FIRRM: variants seen among roughly 807,000 people sequenced by gnomAD.
FIRRM encodes FIGNL1-interacting regulator of recombination and mitosis.
chr1:169,832,845 T>A, the FIRRM span, among the ~76,000 whole-genome samples: 1 of 152,114 alleles, frequency 6.6e-6, no homozygotes, highest in East Asian at 1.9e-4. Context: ...TGGGCTCAAG[T>A]GATCCATCTC....
the FIRRM span, chr1:169,802,703 C>T: frequency 6.2e-7 from 1 of 1,608,498 alleles, no homozygotes; most frequent in South Asian, 1.1e-5. Flanking sequence ...GAAATCCAGA[C>T]CACTCTAAGG....
chr1:169,809,198 CTTT>C, the FIRRM span, among the ~76,000 whole-genome samples: 1 of 152,112 alleles, frequency 6.6e-6, no homozygotes, highest in African/African-American at 2.4e-5. Flanking sequence ...AAGGGGCTAA[CTTT>C]TTTCTTCTTG....
chr1:169,792,842 A>G, the FIRRM span: 9 of 1,613,870 alleles, frequency 5.6e-6, 1 homozygote, highest in South Asian at 9.9e-5. Flanking sequence ...ATCATATTTT[A>G]CAAAAAGTTT....
At chr1:169,849,546 C>G in the FIRRM span, 1 of 1,614,036 alleles carries the variant, frequency 6.2e-7, no homozygotes, top group African/African-American at 1.3e-5. Flanking sequence ...TTACTGCTAG[C>G]TGACAGGAGT....
At chr1:169,812,849 T>C in the FIRRM span, among the ~76,000 whole-genome samples, 1 of 148,610 alleles carries the variant, frequency 6.7e-6, no homozygotes, top group Non-Finnish European at 1.5e-5. Flanking sequence ...AGAGTGAGAC[T>C]CCATCTCAAA....
the FIRRM span, chr1:169,849,428 G>T: frequency 8.9e-7 from 1 of 1,124,114 alleles, no homozygotes; most frequent in Non-Finnish European, 1.3e-6. Flanking sequence ...TGGGCTTATT[G>T]AATGTATGGC....
chr1:169,826,417 C>T, the FIRRM span, among the ~76,000 whole-genome samples: 1 of 141,710 alleles, frequency 7.1e-6, no homozygotes, highest in Admixed American at 7.6e-5. Context: ...GGCTGGAGTG[C>T]AGTGGCGCAG....
the FIRRM span, chr1:169,830,272 T>C: frequency 1.2e-6 from 2 of 1,612,580 alleles, no homozygotes; most frequent in Non-Finnish European, 1.7e-6. Flanking sequence ...GCTGCTCTGC[T>C]GAATGCTGTA....
the FIRRM span, among the ~76,000 whole-genome samples, chr1:169,798,167 G>C: frequency 6.6e-6 from 1 of 152,176 alleles, no homozygotes; most frequent in Non-Finnish European, 1.5e-5. Context: ...TCTAATCCCA[G>C]CTCCTTGAGA....
At chr1:169,796,345 T>C in the FIRRM span, among the ~76,000 whole-genome samples, 2 of 152,358 alleles carry the variant, frequency 1.3e-5, no homozygotes, top group East Asian at 1.9e-4. Context: ...GTGATTCCTC[T>C]TCTTCCCCAC....
chr1:169,821,399 G>T, the FIRRM span, among the ~76,000 whole-genome samples: 1 of 152,188 alleles, frequency 6.6e-6, no homozygotes, highest in Admixed American at 6.5e-5. Context: ...TTCACTTTCA[G>T]ATCAACTGAG....
the FIRRM span, among the ~76,000 whole-genome samples, chr1:169,819,709 T>C: frequency 6.6e-6 from 1 of 152,174 alleles, no homozygotes; most frequent in Admixed American, 6.5e-5. Context: ...ATTACCCGAC[T>C]TTAGCCATGC....
the FIRRM span, among the ~76,000 whole-genome samples, chr1:169,799,195 T>C: frequency 6.6e-6 from 1 of 152,236 alleles, no homozygotes; most frequent in East Asian, 1.9e-4. Context: ...ATGATGTATG[T>C]ATAAACAAAT....
the FIRRM span, chr1:169,804,333 A>G: frequency 2.1e-6 from 2 of 955,294 alleles, no homozygotes; most frequent in Non-Finnish European, 2.9e-6. Context: ...TTTTCTTACT[A>G]ATTATGCATT....
the FIRRM span, among the ~76,000 whole-genome samples, chr1:169,838,452 C>T: frequency 1.3e-5 from 2 of 152,064 alleles, no homozygotes; most frequent in African/African-American, 2.4e-5. Context: ...GCAGGTTGTT[C>T]AACATACGTC....
chr1:169,847,852 A>C, the FIRRM span: 20 of 1,288,996 alleles, frequency 1.6e-5, no homozygotes, highest in South Asian at 2.5e-4. Context: ...AAATCTCTAT[A>C]AGAGTTAGTG....
chr1:169,830,179 T>G, the FIRRM span: 2 of 1,242,992 alleles, frequency 1.6e-6, no homozygotes, highest in Non-Finnish European at 2.3e-6. Context: ...TGCTTTCTTG[T>G]TTTATTTTGA....
At chr1:169,810,998 T>TA in the FIRRM span, among the ~76,000 whole-genome samples, 1 of 151,692 alleles carries the variant, frequency 6.6e-6, no homozygotes, top group African/African-American at 2.4e-5. Context: ...TAGCTGGGAC[T>TA]ACAGGCGCCT....
chr1:169,790,202 G>A, the FIRRM span, among the ~76,000 whole-genome samples: 2 of 151,658 alleles, frequency 1.3e-5, no homozygotes, highest in African/African-American at 4.9e-5. Flanking sequence ...TTTGTTGAGA[G>A]AGTCTTTCCC....
Sources: allele counts gnomAD v4.1 joint callset (sites outside exome capture counted in the v4.1 genomes callset), GRCh38; gene constraint gnomAD v4.1.1; transcripts MANE v1.5; gene names NCBI Gene and HGNC (gene_info 2026-07-23, HGNC 2026-07-21).